The following LHX5 variants were observed in gnomAD, a reference collection of about 807,000 sequenced individuals.
LHX5 encodes LIM homeobox 5, also known as LIM/homeobox protein Lhx5.
Under a neutral mutation model 30.6 loss-of-function variants are expected in LHX5, and 5 were observed. The ratio of observed to expected loss-of-function variants is 0.16; its 90% CI spans 0.09 to 0.34. LHX5 has a LOEUF of 0.34. LHX5 is among the 10% of genes least tolerant of loss of function. The probability of loss-of-function intolerance (pLI) is 1.00; values close to 1 mark genes in which losing one functional copy is unlikely to be tolerated. For synonymous variants in LHX5, 266 were observed against 252.6 expected (o/e 1.05, Z -0.50); for missense variants, 458 against 570.6 (o/e 0.80, Z 2.01).
At position 113,467,358 on chromosome 12, in the gene LHX5, G is replaced by C. The variant is rs776759957; in HGVS notation, c.739C>G (p.Arg247Gly). ...GGACTCCGGAAGAAGGCGTGCCTCC[G>C]GGCGCCTAGGGCGCTCAGCTGTTTC... ...RMKQLSALGARRHAFFRSPRR... is the reference protein window; with the variant it reads ...RMKQLSALGAGRHAFFRSPRR... The change falls in exon 4 of 5, where the codon CGG becomes GGG. Residue 247 changes from arginine to glycine, a missense_variant. By Grantham distance (125) the Arg-to-Gly change is moderately radical. Transcript: ENST00000261731. This position sits in a 1 kb window ranked among gnomAD's most constrained non-coding sequence, Gnocchi z 6.3. 8.2e-6 allele frequency: 13 copies of C among 1,586,854 alleles called. No homozygotes were observed. The highest frequency in any genetic ancestry group is 1.1e-5 in the Non-Finnish European group (13 of 1,163,766).
At position 113,467,191 on chromosome 12, in the gene LHX5, A is replaced by AC. The variant is rs1177308113; in HGVS notation, c.841+64dup. 2.0e-5 allele frequency: 27 copies of AC among 1,370,066 alleles called. No individual in the cohort carries two copies. The highest frequency in any genetic ancestry group is 2.3e-5 in the Non-Finnish European group (24 of 1,052,696). 84.9% of individuals were successfully genotyped at this position (1,370,066 alleles called of 1,614,324 possible). A position where few individuals can be genotyped will look rare whatever the true frequency, so the allele number is the denominator to read the frequency against. On this transcript the variant is annotated intron_variant, in intron 4 of 4. Transcript: ENST00000261731. The surrounding 1 kb of genome is among the most constrained non-coding windows in gnomAD (Gnocchi z 6.3). Reference sequence around the variant, plus strand: ...AGCGGCGGAAAGCGTGCTGGCCGGGACCCTTCGCCCTCAGCTCCCGGAATA... The same window carrying AC: ...AGCGGCGGAAAGCGTGCTGGCCGGGACCCCTTCGCCCTCAGCTCCCGGAATA...
Position 113,467,877 on chromosome 12 carries a change from C to CG in LHX5, c.675+249dup, listed in dbSNP as rs1230491045. Among the ~76,000 whole-genome samples, 1 of 152,212 alleles carries CG rather than the reference C, an allele frequency of 6.6e-6. No individual in the cohort carries two copies. The highest frequency in any genetic ancestry group is 2.4e-5 in the African/African-American group (1 of 41,456). On this transcript the variant is annotated intron_variant, in intron 3 of 4. Transcript: ENST00000261731. The surrounding 1 kb of genome is among the most constrained non-coding windows in gnomAD (Gnocchi z 6.3). ...GGCTTACAACCTTCCATAAGCAAGG[C>CG]GGGGGGCGGAATTCAGAGAGGTAAA...
rs1325739911 is a variant in LHX5 at position 113,462,437 on chromosome 12, T to G, written c.*753A>C. 1 of 152,204 alleles carries G rather than the reference T, an allele frequency of 6.6e-6. No homozygotes were observed. The highest frequency in any genetic ancestry group is 1.5e-5 in the Non-Finnish European group (1 of 68,050). 9.4% of individuals were successfully genotyped at this position (152,204 alleles called of 1,614,324 possible). ...TCGAGTCCGGCCTGCTCCCTCGGGC[T>G]CAACATAAACGTCAAAGTAAGGAAG... On this transcript the variant is annotated 3_prime_UTR_variant, in exon 5 of 5. Transcript: ENST00000261731.
chr12:113,469,071 C>G, intron 2 of LHX5, 51 bp downstream of exon 2: 1 of 1,399,028 alleles, frequency 7.1e-7, no homozygotes, highest in Non-Finnish European at 9.8e-7. Flanking sequence ...AGGCTGGGCA[C>G]GGTGGGAGGG....
Position 113,467,244 on chromosome 12 carries a change from G to A in LHX5, c.841+12C>T, listed in dbSNP as rs1286636516. ...ACAGGTGCGGAACAGCGAATCCCGG[G>A]GCGCCCCTTACCTCCGTAGTAGGTG... On this transcript the variant is annotated intron_variant, in intron 4 of 4. Transcript: ENST00000261731. This position sits in a 1 kb window ranked among gnomAD's most constrained non-coding sequence, Gnocchi z 6.3. The A allele has an allele frequency of 8.4e-6, 12 of 1,436,942 alleles. No homozygotes were observed. The highest frequency in any genetic ancestry group is 1.0e-5 in the Non-Finnish European group (11 of 1,083,158). 89.0% of individuals were successfully genotyped at this position (1,436,942 alleles called of 1,614,324 possible). A position where few individuals can be genotyped will look rare whatever the true frequency, so the allele number is the denominator to read the frequency against.
chr12:113,467,539 C>T lies in LHX5; in HGVS notation c.676-118G>A, dbSNP rs984044900. 2 of 1,000,574 alleles carry T rather than the reference C, an allele frequency of 2.0e-6. No homozygotes were observed. The highest frequency in any genetic ancestry group is 1.7e-5 in the African/African-American group (1 of 59,742). 62.0% of individuals were successfully genotyped at this position (1,000,574 alleles called of 1,614,324 possible). ...CTTGCGCCTCTTCCGCACCAGGACT[C>T]CCCCGAGGCGGGGCCGGGCCGGATT... On this transcript the variant is annotated intron_variant, in intron 3 of 4. Transcript: ENST00000261731. The surrounding 1 kb of genome is among the most constrained non-coding windows in gnomAD (Gnocchi z 6.3).
Position 113,467,371 on chromosome 12 carries a change from G to A in LHX5, c.726C>T (p.Ser242=). The change falls in exon 4 of 5, where the codon AGC becomes AGT. Residue 242 remains serine, a synonymous_variant. Transcript: ENST00000261731. The surrounding 1 kb of genome is among the most constrained non-coding windows in gnomAD (Gnocchi z 6.3). ...RSKERRMKQL[S]ALGARRHAFF... ...AGGCGTGCCTCCGGGCGCCTAGGGCGCTCAGCTGTTTCATCCGGCGTTCTT... is the reference window on the plus strand; with the variant it reads ...AGGCGTGCCTCCGGGCGCCTAGGGCACTCAGCTGTTTCATCCGGCGTTCTT... The A allele has an allele frequency of 1.3e-6, 2 of 1,586,644 alleles. No homozygotes were observed. Among genetic ancestry groups the A allele is most frequent in the Non-Finnish European group, 1.7e-6 (2 of 1,163,268 alleles).
rs1958194364 is a variant in LHX5, at chr12:113,463,807, A to C, written c.842-250T>G. Among the ~76,000 whole-genome samples the C allele has an allele frequency of 6.6e-6, 1 of 152,162 alleles. No individual in the cohort carries two copies. The highest frequency in any genetic ancestry group is 2.4e-5 in the African/African-American group (1 of 41,440). ...AGAGACTCAGACTGCCAGAGACCAC[A>C]CACAGAGACGGGAGAGACTCCGAGA... On this transcript the variant is annotated intron_variant, in intron 4 of 4. Transcript: ENST00000261731. The surrounding 1 kb of genome is among the most constrained non-coding windows in gnomAD (Gnocchi z 6.7).
rs767444561 is a variant in LHX5, at chr12:113,463,304, G to C, written c.1095C>G (p.Pro365=). Residue 365 remains proline (P), a synonymous_variant, in exon 5 of 5, where the codon CCC becomes CCG. Transcript: ENST00000261731. This position sits in a 1 kb window ranked among gnomAD's most constrained non-coding sequence, Gnocchi z 6.7. ...TGGGCCCGCCGCTGAATACCTCGCC[G>C]GGCATGGGGTGCAGCGTGCCCGGCA... ...PGLPGTLHPM[P]GEVFSGGPSP... 1 of 1,529,922 alleles carries C rather than the reference G, an allele frequency of 6.5e-7. No homozygotes were observed. Among genetic ancestry groups the C allele is most frequent in the Non-Finnish European group, 8.8e-7 (1 of 1,141,268 alleles). The allele number at this position is 1,529,922 out of a possible 1,614,324, so 94.8% of individuals were successfully genotyped here. A position where few individuals can be genotyped will look rare whatever the true frequency, so the allele number is the denominator to read the frequency against.
rs938658409 is a variant in LHX5 at position 113,467,732 on chromosome 12, C to G, written c.676-311G>C. Among the ~76,000 whole-genome samples, 7 of 152,230 alleles carry G rather than the reference C, an allele frequency of 4.6e-5. No individual in the cohort carries two copies. The highest frequency in any genetic ancestry group is 1.0e-4 in the Non-Finnish European group (7 of 68,034). ...CGGCACGGCTCTCGCCTCGGCCCCT[C>G]GGCTCCGGAGCCAGCCTCTGGCCGT... On this transcript the variant is annotated intron_variant, in intron 3 of 4. Coordinates refer to ENST00000261731, the MANE Select transcript of LHX5 (RefSeq NM_022363.3). This position sits in a 1 kb window ranked among gnomAD's most constrained non-coding sequence, Gnocchi z 6.3.
At position 113,463,777 on chromosome 12, in the gene LHX5, G is replaced by A. The variant is rs528177059; in HGVS notation, c.842-220C>T. ...AGAGAGACAATGAGAGATCTCGAAA[G>A]GGCAAGAGACTCAGACTGCCAGAGA... On this transcript the variant is annotated intron_variant, in intron 4 of 4. Transcript: ENST00000261731. This position sits in a 1 kb window ranked among gnomAD's most constrained non-coding sequence, Gnocchi z 6.7. 2.0e-5 allele frequency among the ~76,000 whole-genome samples: 3 copies of A among 152,268 alleles called. No homozygotes were observed. Among genetic ancestry groups the A allele is most frequent in the Non-Finnish European group, 4.4e-5 (3 of 68,022 alleles).
rs946146440 is a variant in LHX5 at position 113,462,106 on chromosome 12, T to A, written c.*1084A>T. ...TGATTTTTTTTGTTTTTGTTTTTTG[T>A]TTTTTTTAGGTAAACCTCTTTCTGC... On this transcript the variant is annotated 3_prime_UTR_variant, in exon 5 of 5. Transcript: ENST00000261731. 3 of 151,876 alleles carry A rather than the reference T, an allele frequency of 2.0e-5. No individual in the cohort carries two copies. Among genetic ancestry groups the A allele is most frequent in the African/African-American group, 7.3e-5 (3 of 41,304 alleles). 9.4% of individuals were successfully genotyped at this position (151,876 alleles called of 1,614,324 possible).
In LHX5 at chr12:113,463,594, G is replaced by A. The variant is rs1433452998; in HGVS notation, c.842-37C>T. The A allele has an allele frequency of 6.8e-7, 1 of 1,479,082 alleles. No individual in the cohort carries two copies. The highest frequency in any genetic ancestry group is 1.3e-5 in the South Asian group (1 of 75,236). The allele number at this position is 1,479,082 out of a possible 1,614,324, so 91.6% of individuals were successfully genotyped here. On this transcript the variant is annotated intron_variant, in intron 4 of 4. Transcript: ENST00000261731. This position sits in a 1 kb window ranked among gnomAD's most constrained non-coding sequence, Gnocchi z 6.7. ...GAGCGGGAAGGAGACAGGGCGCGGT[G>A]AGAGAAGGCGAAGTAGGCGGGGGAC...
In LHX5 at chr12:113,466,682, T is replaced by G. The variant is rs1055014032; in HGVS notation, c.841+574A>C. 6.6e-6 allele frequency among the ~76,000 whole-genome samples: 1 copy of G among 152,166 alleles called. No homozygotes were observed. Among genetic ancestry groups the G allele is most frequent in the African/African-American group, 2.4e-5 (1 of 41,436 alleles). ...GCCACATGGAACAGGAGTTGCTGCC[T>G]TCGATGCTAGTGAGCAGGCGGCTTG... On this transcript the variant is annotated intron_variant, in intron 4 of 4. Transcript: ENST00000261731. The surrounding 1 kb of genome is among the most constrained non-coding windows in gnomAD (Gnocchi z 6.5).
At position 113,463,508 on chromosome 12, in the gene LHX5, C is replaced by T; in HGVS notation, c.891G>A (p.Ala297=). 6.4e-7 allele frequency: 1 copy of T among 1,563,854 alleles called. No homozygotes were observed. Among genetic ancestry groups the T allele is most frequent in the South Asian group, 1.2e-5 (1 of 86,398 alleles). ...YAPGSNYDFF[A]HGPPSQAQSP... ...ACTGCGCCTGCGAAGGCGGGCCGTG[C>T]GCGAAGAAGTCGTAGTTGCTTCCCG... Residue 297 remains alanine (A), a synonymous_variant, in exon 5 of 5, where the codon GCG becomes GCA. Transcript: ENST00000261731. This position sits in a 1 kb window ranked among gnomAD's most constrained non-coding sequence, Gnocchi z 6.7.
chr12:113,468,168 G>T lies in LHX5; in HGVS notation c.634C>A (p.Gln212Lys), dbSNP rs1406880002. 1.2e-6 allele frequency: 2 copies of T among 1,609,822 alleles called. No individual in the cohort carries two copies. The highest frequency in any genetic ancestry group is 1.7e-6 in the Non-Finnish European group (2 of 1,178,588). Residue 212 changes from glutamine to lysine, a missense_variant, in exon 3 of 5, where the codon CAG (glutamine) becomes AAG (lysine). Transcript: ENST00000261731. The stretch of plus-strand genomic sequence containing the variant: ...TTGAGGCCGGTCTCCTGCGCCAGCT[G>T]CTCGCGGATGTGGCGCGTGGGCTTG... ...TPKPTRHIREQLAQETGLNMR... is the reference protein window; with the variant it reads ...TPKPTRHIREKLAQETGLNMR...
In LHX5 at chr12:113,464,669, GC is replaced by G. The variant is rs1958201576; in HGVS notation, c.842-1113del. 6.6e-6 allele frequency among the ~76,000 whole-genome samples: 1 copy of G among 152,138 alleles called. No homozygotes were observed. Among genetic ancestry groups the G allele is most frequent in the Non-Finnish European group, 1.5e-5 (1 of 68,012 alleles). On this transcript the variant is annotated intron_variant, in intron 4 of 4. Transcript: ENST00000261731. This position sits in a 1 kb window ranked among gnomAD's most constrained non-coding sequence, Gnocchi z 6.2. ...GGTAGAAGCTCGGTCCTCCAGCCTT[GC>G]CCCGGGTTGGTTTTGCCAGCACCCC... is the stretch of plus-strand genomic sequence containing the variant.
Position 113,463,115 on chromosome 12 carries a change from C to T in LHX5, c.*75G>A, listed in dbSNP as rs1958185869. 2.4e-6 allele frequency: 3 copies of T among 1,269,938 alleles called. No homozygotes were observed. In the South Asian group the frequency reaches 4.6e-5, roughly 20 times the overall value. The allele number at this position is 1,269,938 out of a possible 1,614,324, so 78.7% of individuals were successfully genotyped here. A position where few individuals can be genotyped will look rare whatever the true frequency, so the allele number is the denominator to read the frequency against. On this transcript the variant is annotated 3_prime_UTR_variant, in exon 5 of 5. Coordinates refer to ENST00000261731, the MANE Select transcript of LHX5 (RefSeq NM_022363.3). The surrounding 1 kb of genome is among the most constrained non-coding windows in gnomAD (Gnocchi z 6.7). ...CCCACGTCTCCCACCGCGTCTGCGTCGGGCGTTTTGGTTTCAGGAGGCTGC... is the reference window on the plus strand; with the variant it reads ...CCCACGTCTCCCACCGCGTCTGCGTTGGGCGTTTTGGTTTCAGGAGGCTGC...
At position 113,463,488 on chromosome 12, in the gene LHX5, G is replaced by T; in HGVS notation, c.911C>A (p.Ala304Glu). 1 of 1,567,262 alleles carries T rather than the reference G, an allele frequency of 6.4e-7. No individual in the cohort carries two copies. The highest frequency in any genetic ancestry group is 8.6e-7 in the Non-Finnish European group (1 of 1,163,618). The change falls in exon 5 of 5, where the codon GCG becomes GAG. Residue 304 changes from alanine to glutamate, a missense_variant. Physicochemically the swap from Ala to Glu is moderately radical, Grantham distance 107. Around this residue, in one of 3 missense-constraint regions of LHX5, gnomAD observed 255 missense variants for 246.8 expected, o/e 1.03. Coordinates refer to ENST00000261731, the MANE Select transcript of LHX5 (RefSeq NM_022363.3). This position sits in a 1 kb window ranked among gnomAD's most constrained non-coding sequence, Gnocchi z 6.7. The stretch of plus-strand genomic sequence containing the variant: ...GAAGCTGGAGTCGGCCGGGGACTGC[G>T]CCTGCGAAGGCGGGCCGTGCGCGAA... Reference protein sequence around the residue: ...DFFAHGPPSQAQSPADSSFLA... With the variant: ...DFFAHGPPSQEQSPADSSFLA...
Sources: gnomAD v4.1 joint callset for allele counts (sites outside exome capture counted in the v4.1 genomes callset) on GRCh38, gnomAD v4.1.1 for gene constraint, gnomAD v4.1.1 regional missense constraint, Gnocchi (gnomAD v3.1) non-coding constraint, MANE v1.5 for transcripts, NCBI Gene and HGNC (gene_info 2026-07-23, HGNC 2026-07-21) for gene names.